The following SH3KBP1 variants were observed in gnomAD, a reference collection of about 807,000 sequenced individuals.
SH3KBP1 encodes the protein SH3 domain containing kinase binding protein 1.
Under a neutral mutation model 50.1 loss-of-function variants are expected in SH3KBP1, and 8 were observed. The observed-to-expected ratio is 0.16, with a 90% CI of 0.09 to 0.29. SH3KBP1 has a LOEUF of 0.29. SH3KBP1 is among the 10% of genes least tolerant of loss of function. The probability of loss-of-function intolerance (pLI) is 1.00; values close to 1 mark genes in which losing one functional copy is unlikely to be tolerated. For missense variants in SH3KBP1, 377 were observed against 535.2 expected (o/e 0.70, Z 2.92); for synonymous variants, 227 against 218.6 (o/e 1.04, Z -0.34).
intron 6 of SH3KBP1, among the ~76,000 whole-genome samples, chrX:19,655,781 A>G (rs2062263382): frequency 9.0e-6 from 1 of 111,511 alleles, no homozygotes; most frequent in Non-Finnish European, 1.9e-5. Context: ...CAATATACCC[A>G]TGTAACAAAC....
chrX:19,618,965 T>C (rs1479392825), intron 8 of SH3KBP1, among the ~76,000 whole-genome samples: 4 of 85,814 alleles, frequency 4.7e-5, no homozygotes, highest in Non-Finnish European at 6.4e-5. Flanking sequence ...AGACCCTGTC[T>C]TAAAAAACGA....
intron 3 of SH3KBP1, among the ~76,000 whole-genome samples, chrX:19,712,858 T>A (rs183010772): frequency 3.4e-4 from 38 of 111,689 alleles, no homozygotes; most frequent in African/African-American, 1.2e-3. Context: ...ATAGAATACT[T>A]CTGCCACAAC....
chrX:19,878,511 A>T (rs772337580), intron 1 of SH3KBP1, among the ~76,000 whole-genome samples: 7,875 of 83,947 alleles, frequency 0.094, 1,163 homozygotes, highest in African/African-American at 0.44. Flanking sequence ...TGTGTGAGAG[A>T]GAGAGAGAGA....
intron 3 of SH3KBP1, among the ~76,000 whole-genome samples, chrX:19,738,437 C>T (rs956371124): frequency 9.1e-6 from 1 of 110,343 alleles, no homozygotes. Context: ...CCCACTTTCA[C>T]GACATGCCTC....
At chrX:19,807,082 G>A (rs2067069605) in intron 2 of SH3KBP1, among the ~76,000 whole-genome samples, 1 of 111,917 alleles carries the variant, frequency 8.9e-6, no homozygotes, top group Admixed American at 9.5e-5. Flanking sequence ...GGAGGGTAAG[G>A]AGTAGCTGAG....
chrX:19,819,896 T>C (rs1372018999), intron 2 of SH3KBP1, among the ~76,000 whole-genome samples: 1 of 111,667 alleles, frequency 9.0e-6, no homozygotes, highest in Non-Finnish European at 1.9e-5. Flanking sequence ...CCCACACATT[T>C]TAATATGTTG....
intron 1 of SH3KBP1, among the ~76,000 whole-genome samples, chrX:19,849,616 A>T (rs768366760): frequency 9.3e-6 from 1 of 107,074 alleles, no homozygotes; most frequent in Non-Finnish European, 1.9e-5. Flanking sequence ...TTGAACCCAG[A>T]AAGTGGAAGT....
chrX:19,819,886 C>T lies in SH3KBP1; in HGVS notation c.162+16239G>A, dbSNP rs147745537. On this transcript the variant is annotated intron_variant, in intron 2 of 17. Coordinates refer to ENST00000397821, the MANE Select transcript of SH3KBP1 (RefSeq NM_031892.3). ...CCTCTCAGTACTGCTTTAGCTGGGT[C>T]CCACACATTTTAATATGTTGTATGT... is the stretch of plus-strand genomic sequence containing the variant. Among the ~76,000 whole-genome samples the T allele has an allele frequency of 7.2e-3, 799 of 111,413 alleles. 7 individuals carry two copies. Among genetic ancestry groups the T allele is most frequent in the Non-Finnish European group, 0.012 (616 of 53,114 alleles).
At chrX:19,714,183 G>A (rs2063847418) in intron 3 of SH3KBP1, among the ~76,000 whole-genome samples, 1 of 112,078 alleles carries the variant, frequency 8.9e-6, no homozygotes, top group Non-Finnish European at 1.9e-5. Flanking sequence ...GGTTATCAGA[G>A]GCTAGGAAGG....
chrX:19,573,199 AAGAC>A (rs1449367816), intron 12 of SH3KBP1, among the ~76,000 whole-genome samples: 3 of 112,446 alleles, frequency 2.7e-5, no homozygotes, highest in Admixed American at 9.5e-5. Context: ...ATATAGGAAA[AAGAC>A]AAGAAAGAAA....
chrX:19,681,875 G>T (rs2063062352), intron 6 of SH3KBP1, among the ~76,000 whole-genome samples: 1 of 110,278 alleles, frequency 9.1e-6, no homozygotes, highest in Non-Finnish European at 1.9e-5. Context: ...GTTTTCAAAG[G>T]TTCTCCCTGG....
intron 2 of SH3KBP1, among the ~76,000 whole-genome samples, chrX:19,778,547 GA>G (rs1248058187): frequency 1.8e-5 from 2 of 110,736 alleles, no homozygotes; most frequent in African/African-American, 6.6e-5. Flanking sequence ...GATACGAAGT[GA>G]ATACACAAGT....
chrX:19,873,963 C>A lies in SH3KBP1; in HGVS notation c.4+13344G>T, dbSNP rs369879567. Reference sequence around the variant, plus strand: ...ACTCGGGAGGCTGAGGCGGGGGGATCCCTTGAACTGGGGAGGTAGAGGTTG... The same window carrying A: ...ACTCGGGAGGCTGAGGCGGGGGGATACCTTGAACTGGGGAGGTAGAGGTTG... On this transcript the variant is annotated intron_variant, in intron 1 of 17. Coordinates refer to ENST00000397821, the MANE Select transcript of SH3KBP1 (RefSeq NM_031892.3). Among the ~76,000 whole-genome samples, 137 of 99,250 alleles carry A rather than the reference C, an allele frequency of 1.4e-3. 2 individuals carry two copies. The East Asian group carries it at 0.036, about 26-fold the overall frequency. 86.2% of individuals were successfully genotyped at this position (99,250 alleles called of 115,157 possible).
At chrX:19,750,871 A>G (rs1037875205) in intron 2 of SH3KBP1, among the ~76,000 whole-genome samples, 2 of 111,912 alleles carry the variant, frequency 1.8e-5, no homozygotes, top group Admixed American at 1.9e-4. Context: ...ATTTTTATAC[A>G]TAAGAATAGT....
At chrX:19,691,187 G>A (rs1283173512) in intron 5 of SH3KBP1, among the ~76,000 whole-genome samples, 1 of 108,865 alleles carries the variant, frequency 9.2e-6, no homozygotes, top group African/African-American at 3.3e-5. Context: ...CTAGGTTTGG[G>A]AGACAATTAT....
intron 9 of SH3KBP1, among the ~76,000 whole-genome samples, chrX:19,596,391 A>C (rs1330024381): frequency 2.7e-5 from 3 of 112,012 alleles, no homozygotes; most frequent in East Asian, 2.8e-4. Context: ...AAAACTAATG[A>C]TATCTGAGCC....
chrX:19,712,593 C>T (rs769643178), intron 3 of SH3KBP1, among the ~76,000 whole-genome samples: 3 of 111,195 alleles, frequency 2.7e-5, no homozygotes, highest in Non-Finnish European at 5.7e-5. Flanking sequence ...GAAGAATCAA[C>T]GGTTGCTAAA....
intron 10 of SH3KBP1, among the ~76,000 whole-genome samples, chrX:19,594,072 A>C (rs2066826656): frequency 8.9e-6 from 1 of 112,414 alleles, no homozygotes; most frequent in Non-Finnish European, 1.9e-5. Flanking sequence ...TCACTTCTTA[A>C]TAAGTTTATA....
intron 1 of SH3KBP1, among the ~76,000 whole-genome samples, chrX:19,874,828 G>C (rs2069194408): frequency 9.5e-6 from 1 of 105,667 alleles, no homozygotes; most frequent in Non-Finnish European, 2.0e-5. Context: ...GAATGGGAGA[G>C]AGATGCGGGG....
Sources: gnomAD v4.1 joint callset for allele counts (sites outside exome capture counted in the v4.1 genomes callset) on GRCh38, gnomAD v4.1.1 for gene constraint, MANE v1.5 for transcripts, NCBI Gene and HGNC (gene_info 2026-07-23, HGNC 2026-07-21) for gene names.